The following YAP1 variants were observed in gnomAD, a reference collection of about 807,000 sequenced individuals.
YAP1 encodes Yes1 associated transcriptional regulator.
YAP1 carries 5 observed loss-of-function variants against 56.9 expected under a neutral mutation model. The observed-to-expected ratio is 0.09, with a 90% CI of 0.05 to 0.18. The LOEUF (loss-of-function observed/expected upper bound fraction) is 0.18. Among genes scored for constraint, YAP1 ranks in the 10% least tolerant of loss-of-function variants. The pLI, the probability that YAP1 is intolerant of heterozygous loss-of-function variation, is 1.00. For synonymous variants in YAP1, 265 were observed against 248.1 expected (o/e 1.07, Z -0.64); for missense variants, 539 against 651.8 (o/e 0.83, Z 1.88).
intron 1 of YAP1, among the ~76,000 whole-genome samples, chr11:102,111,808 T>C (rs1942941195): frequency 6.6e-6 from 1 of 152,134 alleles, no homozygotes; most frequent in Non-Finnish European, 1.5e-5. Flanking sequence ...TTTTTGCTCT[T>C]TCTTTCCTTC....
chr11:102,216,427 A>G (rs1949671618), intron 6 of YAP1, among the ~76,000 whole-genome samples: 1 of 152,318 alleles, frequency 6.6e-6, no homozygotes, highest in East Asian at 1.9e-4. Flanking sequence ...ATTCTCCATT[A>G]TATTACATTT....
At chr11:102,128,715 C>G (rs986459945) in intron 2 of YAP1, among the ~76,000 whole-genome samples, 27 of 152,174 alleles carry the variant, frequency 1.8e-4, no homozygotes, top group African/African-American at 6.3e-4. Flanking sequence ...ATTGAATGGA[C>G]AGTCTAAGAA....
At chr11:102,124,724 GT>G (rs1943920902) in intron 2 of YAP1, among the ~76,000 whole-genome samples, 2 of 151,992 alleles carry the variant, frequency 1.3e-5, no homozygotes, top group South Asian at 4.2e-4. Context: ...TGTTGATTTT[GT>G]TTTCTTTTGT....
chr11:102,197,391 A>C (rs911988276), intron 4 of YAP1, among the ~76,000 whole-genome samples: 1 of 152,184 alleles, frequency 6.6e-6, no homozygotes, highest in African/African-American at 2.4e-5. Context: ...TTTATGACTA[A>C]CAGATCTGTA....
chr11:102,129,184 C>G (rs1007976845), intron 2 of YAP1, among the ~76,000 whole-genome samples: 4 of 152,060 alleles, frequency 2.6e-5, no homozygotes, highest in Admixed American at 2.6e-4. Flanking sequence ...ATAGAGAACT[C>G]AAAAAAGTAG....
At chr11:102,143,121 A>G (rs1369235140) in intron 2 of YAP1, among the ~76,000 whole-genome samples, 1 of 152,196 alleles carries the variant, frequency 6.6e-6, no homozygotes, top group Non-Finnish European at 1.5e-5. Flanking sequence ...CCTCTCTGCA[A>G]CCATTAAAAG....
chr11:102,200,748 A>G (rs1461549473), intron 4 of YAP1, among the ~76,000 whole-genome samples: 2 of 152,154 alleles, frequency 1.3e-5, no homozygotes, highest in African/African-American at 4.8e-5. Context: ...CCTGGCTAAG[A>G]ATAAGTTCTT....
intron 2 of YAP1, among the ~76,000 whole-genome samples, chr11:102,154,252 G>T (rs1262582960): frequency 2.6e-5 from 4 of 152,156 alleles, no homozygotes; most frequent in Non-Finnish European, 5.9e-5. Flanking sequence ...TCTGATTCTG[G>T]TGAACTAGGG....
chr11:102,174,562 G>A (rs1162971228), intron 3 of YAP1, among the ~76,000 whole-genome samples: 1 of 151,564 alleles, frequency 6.6e-6, no homozygotes. Context: ...CCAGCCTGGT[G>A]ACAGAGCGAG....
intron 4 of YAP1, among the ~76,000 whole-genome samples, chr11:102,189,976 G>A (rs1460231696): frequency 2.0e-5 from 3 of 152,068 alleles, no homozygotes; most frequent in Non-Finnish European, 4.4e-5. Flanking sequence ...TGATGAAAAT[G>A]CACCTAACAA....
intron 2 of YAP1, among the ~76,000 whole-genome samples, chr11:102,116,681 A>G (rs1298581337): frequency 6.6e-6 from 1 of 152,186 alleles, no homozygotes; most frequent in East Asian, 1.9e-4. Flanking sequence ...AAAAACTGGG[A>G]GGAGGAGAGA....
rs990643240 is a variant in YAP1 at position 102,206,223 on chromosome 11, C to G, written c.984+149C>G. The G allele has an allele frequency of 2.6e-5, 24 of 927,186 alleles. No homozygotes were observed. The Middle Eastern group carries it at 1.4e-3, about 54-fold the overall frequency. The allele number at this position is 927,186 out of a possible 1,614,324, so 57.4% of individuals were successfully genotyped here. On this transcript the variant is annotated intron_variant, in intron 5 of 8. Coordinates refer to ENST00000282441, the MANE Select transcript of YAP1 (RefSeq NM_001130145.3). Reference sequence around the variant, plus strand: ...CAGAAGCATTCTATCCAGCCCTGTCCTTGTCTTAGTTTTGTGACTGTGAAT... The same window carrying G: ...CAGAAGCATTCTATCCAGCCCTGTCGTTGTCTTAGTTTTGTGACTGTGAAT...
rs549818441 is a variant in YAP1, at chr11:102,136,347, C to CT, written c.572+21968dup. Among the ~76,000 whole-genome samples, 645 of 142,004 alleles carry CT rather than the reference C, an allele frequency of 4.5e-3. 2 individuals carry two copies. The highest frequency in any genetic ancestry group is 0.015 in the East Asian group (73 of 4,918). 93.2% of individuals were successfully genotyped at this position (142,004 alleles called of 152,430 possible). ...TGCCTAGGACAGGGAGCCATTTTTC[C>CT]TTTTTTTTTTTTTTTAAAACAGGGT... is the stretch of plus-strand genomic sequence containing the variant. On this transcript the variant is annotated intron_variant, in intron 2 of 8. Coordinates refer to ENST00000282441, the MANE Select transcript of YAP1 (RefSeq NM_001130145.3).
intron 2 of YAP1, among the ~76,000 whole-genome samples, chr11:102,129,816 T>C (rs111986562): frequency 0.014 from 2,085 of 149,410 alleles, 21 homozygotes; most frequent in Non-Finnish European, 0.022. Context: ...TTTTTTTTTT[T>C]CGAAATGGGG....
intron 3 of YAP1, among the ~76,000 whole-genome samples, chr11:102,166,388 A>C (rs1365410236): frequency 6.6e-6 from 1 of 152,212 alleles, no homozygotes; most frequent in Non-Finnish European, 1.5e-5. Context: ...ATCTTGATAT[A>C]CCTCATGTTC....
chr11:102,133,775 C>A (rs1944511192), intron 2 of YAP1, among the ~76,000 whole-genome samples: 1 of 152,168 alleles, frequency 6.6e-6, no homozygotes, highest in Non-Finnish European at 1.5e-5. Context: ...TACTAGTTAT[C>A]TTAGTCAGCT....
chr11:102,172,086 G>A (rs1476108851), intron 3 of YAP1, among the ~76,000 whole-genome samples: 20 of 151,918 alleles, frequency 1.3e-4, no homozygotes, highest in African/African-American at 4.8e-4. Flanking sequence ...CCAGCTGCTT[G>A]GGAGGCTGAC....
In YAP1 at chr11:102,202,334, A is replaced by ATT. The variant is rs34528413; in HGVS notation, c.803-3543_803-3542dup. ...AGTCACCCGCCACCACACCTGGCTA[A>ATT]TTTTTTTTTTTTTTTTTGGTATTTT... On this transcript the variant is annotated intron_variant, in intron 4 of 8. Transcript: ENST00000282441. Among the ~76,000 whole-genome samples, 411 of 130,962 alleles carry ATT rather than the reference A, an allele frequency of 3.1e-3. 7 individuals carry two copies. Among genetic ancestry groups the ATT allele is most frequent in the East Asian group, 0.012 (54 of 4,520 alleles). The allele number at this position is 130,962 out of a possible 152,430, so 85.9% of individuals were successfully genotyped here.
chr11:102,115,735 T>G (rs774873475), intron 2 of YAP1, among the ~76,000 whole-genome samples: 38 of 152,188 alleles, frequency 2.5e-4, no homozygotes, highest in Non-Finnish European at 4.1e-4. Context: ...AGCAAGATCA[T>G]TTGTTCTCAA....
Sources: allele counts gnomAD v4.1 joint callset (sites outside exome capture counted in the v4.1 genomes callset), GRCh38; gene constraint gnomAD v4.1.1; transcripts MANE v1.5; gene names NCBI Gene and HGNC (gene_info 2026-07-23, HGNC 2026-07-21).